KMT2A: variants seen among roughly 807,000 people sequenced by gnomAD.
KMT2A encodes the protein lysine methyltransferase 2A.
A neutral mutation model predicts 345.3 loss-of-function variants in KMT2A; 16 were observed. That is an observed-to-expected ratio of 0.05 (90% confidence interval 0.03 to 0.07). KMT2A has a LOEUF of 0.07. Among genes scored for constraint, KMT2A ranks in the 10% least tolerant of loss-of-function variants. The pLI, the probability that KMT2A is intolerant of heterozygous loss-of-function variation, is 1.00. For missense variants in KMT2A, 3,272 were observed against 4,841.6 expected (o/e 0.68, Z 9.62); for synonymous variants, 1,599 against 1,778.6 (o/e 0.90, Z 2.54).
In KMT2A at chr11:118,493,898, A is replaced by T. The variant is rs529259508; in HGVS notation, c.5179-390A>T. On this transcript the variant is annotated intron_variant, in intron 16 of 35. Transcript: ENST00000534358. This position sits in a 1 kb window ranked among gnomAD's most constrained non-coding sequence, Gnocchi z 5.8. ...GGCTAATTTTGTATTTTTGGCGGAG[A>T]TTGGGTTTCACCATGTTGGCTAGGC... Among the ~76,000 whole-genome samples, 446 of 152,154 alleles carry T rather than the reference A, an allele frequency of 2.9e-3. 1 individual carries two copies. The highest frequency in any genetic ancestry group is 0.01 in the Middle Eastern group (3 of 294).
At chr11:118,509,292 TAAA>T in intron 29 of KMT2A, 92 bp downstream of exon 29, 1 of 884,418 alleles carries the variant, frequency 1.1e-6, no homozygotes, top group Non-Finnish European at 1.6e-6. Flanking sequence ...TTTCTACATT[TAAA>T]AAAAAAAATC....
At chr11:118,519,369 G>A (rs955792964) in intron 31 of KMT2A, 20 of 424,792 alleles carry the variant, frequency 4.7e-5, no homozygotes, top group Non-Finnish European at 7.7e-5. Context: ...GTGTAATAAA[G>A]CAAAATAGTC....
Position 118,502,488 on chromosome 11 carries a change from G to T in KMT2A, c.6596G>T (p.Ser2199Ile). 1 of 1,614,008 alleles carries T rather than the reference G, an allele frequency of 6.2e-7. No individual in the cohort carries two copies. Among genetic ancestry groups the T allele is most frequent in the Non-Finnish European group, 8.5e-7 (1 of 1,179,984 alleles). Reference sequence around the variant, plus strand: ...CGAAGCATTGGCTCCAGGCGTCACAGTACCTCTTCCTTATCACCCCAGCGG... The same window carrying T: ...CGAAGCATTGGCTCCAGGCGTCACATTACCTCTTCCTTATCACCCCAGCGG... ...GLRSIGSRRHSTSSLSPQRSK... is the reference protein window; with the variant it reads ...GLRSIGSRRHITSSLSPQRSK... The change falls in exon 27 of 36, where the codon AGT becomes ATT. Residue 2199 changes from serine to isoleucine, a missense_variant. This residue lies in a region of KMT2A where 445 missense variants were observed against 500.9 expected (regional missense o/e 0.89). Transcript: ENST00000534358. The surrounding 1 kb of genome is among the most constrained non-coding windows in gnomAD (Gnocchi z 4.9).
rs781847193 is a variant in KMT2A, at chr11:118,494,783, A to T, written c.5363+16A>T. On this transcript the variant is annotated intron_variant, in intron 18 of 35. Transcript: ENST00000534358. The surrounding 1 kb of genome is among the most constrained non-coding windows in gnomAD (Gnocchi z 5.8). ...TATCAAGCAAGTAAGTGAATTTAGCATAACTTTTTTTTCTCCTCATCGGCT... is the reference window on the plus strand; with the variant it reads ...TATCAAGCAAGTAAGTGAATTTAGCTTAACTTTTTTTTCTCCTCATCGGCT... The T allele has an allele frequency of 1.2e-6, 2 of 1,604,464 alleles. No homozygotes were observed. Among genetic ancestry groups the T allele is most frequent in the East Asian group, 4.5e-5 (2 of 44,796 alleles).
chr11:118,488,586 C>T (rs782649425), intron 10 of KMT2A, 28 bp from the exon 11 acceptor site: 2 of 1,609,090 alleles, frequency 1.2e-6, no homozygotes, highest in Non-Finnish European at 1.7e-6. Context: ...ATTTGACATA[C>T]TTCTATCTTC....
In KMT2A at chr11:118,476,816, T is replaced by G. The variant is rs1950046477; in HGVS notation, c.3168T>G (p.Ser1056Arg). ...TGCCTCATATTCAGGGTCAAGAAAG[T>G]GACTCATCAGAGACCTCTGTGCGAG... ...TDQPKAQGQE[S>R]DSSETSVRGP... The change falls in exon 4 of 36, where the codon AGT becomes AGG. Residue 1056 changes from serine (S) to arginine (R), a missense_variant. Around this residue, in one of 27 missense-constraint regions of KMT2A, gnomAD observed 29 missense variants for 27.1 expected, o/e 1.07. Coordinates refer to ENST00000534358, the MANE Select transcript of KMT2A (RefSeq NM_001197104.2). This position sits in a 1 kb window ranked among gnomAD's most constrained non-coding sequence, Gnocchi z 4.1. The G allele has an allele frequency of 1.9e-6, 3 of 1,606,264 alleles. No homozygotes were observed. In the South Asian group the frequency reaches 3.3e-5, roughly 18 times the overall value.
At chr11:118,506,809 TAAC>T (rs1317202907) in intron 27 of KMT2A, among the ~76,000 whole-genome samples, 163 bp downstream of exon 27, 1 of 152,244 alleles carries the variant, frequency 6.6e-6, no homozygotes, top group African/African-American at 2.4e-5. Context: ...GTGATTTATG[TAAC>T]AAAATGTAGT....
At chr11:118,455,194 A>G (rs1441593416) in intron 1 of KMT2A, among the ~76,000 whole-genome samples, 2 of 151,878 alleles carry the variant, frequency 1.3e-5, no homozygotes, top group Non-Finnish European at 2.9e-5. Flanking sequence ...CCCAGCCCCT[A>G]GTGTCTTTTA....
chr11:118,440,661 G>A (rs1367448037), intron 1 of KMT2A, among the ~76,000 whole-genome samples: 1 of 152,050 alleles, frequency 6.6e-6, no homozygotes, highest in African/African-American at 2.4e-5. Flanking sequence ...CTGAGTTACA[G>A]CATTGGTGTG....
Position 118,519,609 on chromosome 11 carries a change from T to C in KMT2A, c.11147-9T>C. The C allele has an allele frequency of 6.2e-7, 1 of 1,602,626 alleles. No homozygotes were observed. The highest frequency in any genetic ancestry group is 8.5e-7 in the Non-Finnish European group (1 of 1,169,866). ...CTCCTCACTTCCCTGGTGCTTCTGA[T>C]TCTTCTAGGTGTTAACGGTTTGAGG... On this transcript the variant is annotated splice_polypyrimidine_tract_variant and intron_variant, in intron 31 of 35. Coordinates refer to ENST00000534358, the MANE Select transcript of KMT2A (RefSeq NM_001197104.2).
rs1249107458 is a variant in KMT2A, at chr11:118,490,769, A to T, written c.4697-427A>T. On this transcript the variant is annotated intron_variant, in intron 13 of 35. Coordinates refer to ENST00000534358, the MANE Select transcript of KMT2A (RefSeq NM_001197104.2). The surrounding 1 kb of genome is among the most constrained non-coding windows in gnomAD (Gnocchi z 4.2). ...AAGGTTATACAGAGTACTGAATCTT[A>T]GGAAGTGCTCCTCTAAGCTCTAATG... 2.0e-5 allele frequency among the ~76,000 whole-genome samples: 3 copies of T among 152,194 alleles called. No homozygotes were observed. Among genetic ancestry groups the T allele is most frequent in the African/African-American group, 7.2e-5 (3 of 41,470 alleles).
Position 118,503,432 on chromosome 11 carries a change from G to A in KMT2A, c.7540G>A (p.Glu2514Lys), listed in dbSNP as rs782437914. The change falls in exon 27 of 36, where the codon GAA becomes AAA. Residue 2514 changes from glutamate to lysine, a missense_variant. Glu to Lys is a moderately conservative substitution (Grantham distance 56). Coordinates refer to ENST00000534358, the MANE Select transcript of KMT2A (RefSeq NM_001197104.2). This position sits in a 1 kb window ranked among gnomAD's most constrained non-coding sequence, Gnocchi z 5.3. ...PPMQVEGSAKELQAPRKRTVK... is the reference protein window; with the variant it reads ...PPMQVEGSAKKLQAPRKRTVK... ...CATGCAAGTAGAAGGATCTGCCAAG[G>A]AATTACAGGCACCACGGAAACGCAC... The A allele has an allele frequency of 3.1e-6, 5 of 1,614,046 alleles. No homozygotes were observed. The South Asian group carries it at 5.5e-5, about 18-fold the overall frequency.
rs1555043447 is a variant in KMT2A, at chr11:118,494,706, G to A, written c.5302G>A (p.Val1768Ile). 6.2e-7 allele frequency: 1 copy of A among 1,613,742 alleles called. No homozygotes were observed. The highest frequency in any genetic ancestry group is 8.5e-7 in the Non-Finnish European group (1 of 1,179,794). Residue 1768 changes from valine to isoleucine, a missense_variant, in exon 18 of 36, where the codon GTT becomes ATT. Val to Ile is a conservative substitution (Grantham distance 29). Transcript: ENST00000534358. The surrounding 1 kb of genome is among the most constrained non-coding windows in gnomAD (Gnocchi z 5.8). Reference sequence around the variant, plus strand: ...TGTTTTCTTTTAGCAAATGGAACGTGTTTTTCCATGGTTCAGTGTCAAAAA... The same window carrying A: ...TGTTTTCTTTTAGCAAATGGAACGTATTTTTCCATGGTTCAGTGTCAAAAA... Reference protein sequence around the residue: ...KSFFIRQMERVFPWFSVKKSR... With the variant: ...KSFFIRQMERIFPWFSVKKSR...
intron 1 of KMT2A, among the ~76,000 whole-genome samples, chr11:118,459,469 A>C (rs1949706026): frequency 6.6e-6 from 1 of 152,208 alleles, no homozygotes; most frequent in South Asian, 2.1e-4. Flanking sequence ...AGTGCTGTGA[A>C]GTACCTAGGA....
At chr11:118,489,690 G>T in intron 11 of KMT2A, 102 bp from the exon 12 acceptor site, 1 of 858,464 alleles carries the variant, frequency 1.2e-6, no homozygotes, top group Admixed American at 2.0e-5. Context: ...ATAATTGTGT[G>T]CTGTACTTAC....
chr11:118,479,227 A>G (rs1950090815), intron 5 of KMT2A, among the ~76,000 whole-genome samples: 1 of 152,188 alleles, frequency 6.6e-6, no homozygotes. Context: ...CCCATTAGCC[A>G]TCCCCTAATA....
chr11:118,506,454 C>G lies in KMT2A; in HGVS notation c.10562C>G (p.Ser3521Cys). 6.2e-7 allele frequency: 1 copy of G among 1,614,226 alleles called. No homozygotes were observed. Among genetic ancestry groups the G allele is most frequent in the South Asian group, 1.1e-5 (1 of 91,084 alleles). ...ACCTCTCCTGGGGGTTCTCCATCCTCTCCATCTTCTGGACAGCGGTCAGCA... is the reference window on the plus strand; with the variant it reads ...ACCTCTCCTGGGGGTTCTCCATCCTGTCCATCTTCTGGACAGCGGTCAGCA... Reference protein sequence around the residue: ...SPTSPGGSPSSPSSGQRSASP... With the variant: ...SPTSPGGSPSCPSSGQRSASP... The change falls in exon 27 of 36, where the codon TCT becomes TGT. Residue 3521 changes from serine to cysteine, a missense_variant. By Grantham distance (112) the Ser-to-Cys change is moderately radical (BLOSUM62 -1). Coordinates refer to ENST00000534358, the MANE Select transcript of KMT2A (RefSeq NM_001197104.2).
At chr11:118,437,161 G>GC (rs1346153174) in intron 1 of KMT2A, among the ~76,000 whole-genome samples, 1 of 150,062 alleles carries the variant, frequency 6.7e-6, no homozygotes, top group Non-Finnish European at 1.5e-5. Flanking sequence ...GAGGGCGTTT[G>GC]CCCCCCGCTC....
intron 1 of KMT2A, among the ~76,000 whole-genome samples, chr11:118,465,169 C>T (rs1475804655): frequency 2.0e-5 from 3 of 151,998 alleles, no homozygotes; most frequent in Admixed American, 6.6e-5. Flanking sequence ...ACCCAGGAGA[C>T]GGAGGTTGCA....
Sources: gnomAD v4.1 joint callset for allele counts (sites outside exome capture counted in the v4.1 genomes callset) on GRCh38, gnomAD v4.1.1 for gene constraint, gnomAD v4.1.1 regional missense constraint, Gnocchi (gnomAD v3.1) non-coding constraint, MANE v1.5 for transcripts, NCBI Gene and HGNC (gene_info 2026-07-23, HGNC 2026-07-21) for gene names.